The following UTRN variants were observed in gnomAD, a reference collection of about 807,000 sequenced individuals.
UTRN encodes the protein dystrophin-related protein 1.
A neutral mutation model predicts 463.9 loss-of-function variants in UTRN; 283 were observed. The ratio of observed to expected loss-of-function variants is 0.61; its 90% CI spans 0.55 to 0.67. The LOEUF is 0.67. Among genes scored for constraint, UTRN ranks in the 30% least tolerant of loss-of-function variants. The pLI is 0.00. For missense variants in UTRN, 3,922 were observed against 4,084.3 expected (o/e 0.96, Z 1.08); for synonymous variants, 1,442 against 1,431.5 (o/e 1.01, Z -0.17).
chr6:144,361,772 CT>C (rs371182123), intron 2 of UTRN, among the ~76,000 whole-genome samples: 230 of 134,748 alleles, frequency 1.7e-3, no homozygotes, highest in East Asian at 0.013. Context: ...TTCTTTCTTT[CT>C]TTTTTTTTTT....
chr6:144,817,447 C>G (rs981048710), intron 65 of UTRN, among the ~76,000 whole-genome samples: 1 of 151,688 alleles, frequency 6.6e-6, no homozygotes, highest in Non-Finnish European at 1.5e-5. Context: ...TGTATTATAC[C>G]TAGTGTAAAG....
intron 51 of UTRN, among the ~76,000 whole-genome samples, chr6:144,644,770 G>C (rs1449886433): frequency 6.6e-6 from 1 of 152,158 alleles, no homozygotes; most frequent in African/African-American, 2.4e-5. Flanking sequence ...TACCAAAATG[G>C]AGTGGTTTAT....
At chr6:144,677,846 G>A (rs1781799124) in intron 51 of UTRN, among the ~76,000 whole-genome samples, 2 of 152,154 alleles carry the variant, frequency 1.3e-5, no homozygotes, top group Admixed American at 1.3e-4. Context: ...TTTCTCTAAT[G>A]ACCAGTGCTG....
In UTRN at chr6:144,551,038, A is replaced by C. The variant is rs771037905; in HGVS notation, c.6884A>C (p.Asn2295Thr). The stretch of plus-strand genomic sequence containing the variant: ...TTTACATTGGCACAGAATTTGAAAA[A>C]TAAAGCTTCCAGTTCAGATATGAGA... ...YVFTLAQNLKNKASSSDMRTA... is the reference protein window; with the variant it reads ...YVFTLAQNLKTKASSSDMRTA... The change falls in exon 48 of 75, where the codon AAT becomes ACT. Residue 2295 changes from asparagine (N) to threonine (T), a missense_variant. Asn to Thr is a moderately conservative substitution (Grantham distance 65, BLOSUM62 0). Transcript: ENST00000367545. 1 of 1,612,250 alleles carries C rather than the reference A, an allele frequency of 6.2e-7. No homozygotes were observed. Among genetic ancestry groups the C allele is most frequent in the Non-Finnish European group, 8.5e-7 (1 of 1,179,526 alleles).
intron 53 of UTRN, chr6:144,706,819 TA>T (rs754903285): frequency 1.2e-4 from 18 of 152,136 alleles, no homozygotes; most frequent in Non-Finnish European, 2.4e-4. Flanking sequence ...ATCAATATGC[TA>T]AATTCTCCAC....
chr6:144,808,954 T>C (rs1778377801), intron 65 of UTRN, among the ~76,000 whole-genome samples: 4 of 152,166 alleles, frequency 2.6e-5, no homozygotes, highest in Admixed American at 2.6e-4. Context: ...TTGTGAATAA[T>C]GCTACAGTGC....
Position 144,447,311 on chromosome 6 carries a change from G to C in UTRN, c.1715G>C (p.Arg572Pro). ...AAGGAACTAAGTGTCAGTGTTCGACGTCTGGCTGTAAGTGATGGGGTTGTC... is the reference window on the plus strand; with the variant it reads ...AAGGAACTAAGTGTCAGTGTTCGACCTCTGGCTGTAAGTGATGGGGTTGTC... ...DQKELSVSVR[R>P]LAILKEDMEM... The change falls in exon 15 of 75, where the codon CGT becomes CCT. Residue 572 changes from arginine (R) to proline (P), a missense_variant. Physicochemically the swap from Arg to Pro is moderately radical, Grantham distance 103. Transcript: ENST00000367545. The C allele has an allele frequency of 1.2e-6, 2 of 1,612,994 alleles. No individual in the cohort carries two copies. The highest frequency in any genetic ancestry group is 1.7e-6 in the Non-Finnish European group (2 of 1,179,326).
intron 48 of UTRN, among the ~76,000 whole-genome samples, chr6:144,553,276 G>A (rs1246415787): frequency 6.6e-6 from 1 of 152,126 alleles, no homozygotes; most frequent in Admixed American, 6.5e-5. Flanking sequence ...GGCTTCAGGT[G>A]ATCCACCTGC....
intron 2 of UTRN, among the ~76,000 whole-genome samples, chr6:144,299,459 T>G (rs1562718947): frequency 6.6e-6 from 1 of 152,188 alleles, no homozygotes; most frequent in Non-Finnish European, 1.5e-5. Flanking sequence ...ACACTGTATT[T>G]TGAAGAGTTT....
At chr6:144,487,476 C>T in intron 28 of UTRN, 72 bp from the exon 29 acceptor site, 1 of 1,381,438 alleles carries the variant, frequency 7.2e-7, no homozygotes, top group Non-Finnish European at 9.6e-7. Flanking sequence ...AACAAATAGA[C>T]ATTTTGGGGA....
chr6:144,832,385 A>G (rs1000135266), intron 69 of UTRN, among the ~76,000 whole-genome samples: 3 of 152,244 alleles, frequency 2.0e-5, no homozygotes, highest in Non-Finnish European at 2.9e-5. Context: ...GATGATAATT[A>G]TAATAATGTG....
intron 53 of UTRN, among the ~76,000 whole-genome samples, chr6:144,709,392 A>G (rs894979268): frequency 2.6e-5 from 4 of 152,050 alleles, no homozygotes; most frequent in Admixed American, 2.6e-4. Context: ...CCTACTTTTT[A>G]GGTCTTTTCC....
At chr6:144,753,492 G>A (rs759342992) in intron 56 of UTRN, among the ~76,000 whole-genome samples, 24 of 151,922 alleles carry the variant, frequency 1.6e-4, no homozygotes, top group Non-Finnish European at 3.2e-4. Context: ...TGTGGTGTGC[G>A]TCTGTAGTCT....
chr6:144,821,186 C>T (rs949635313), intron 66 of UTRN, among the ~76,000 whole-genome samples, 168 bp downstream of exon 66: 4 of 152,166 alleles, frequency 2.6e-5, no homozygotes, highest in South Asian at 4.1e-4. Flanking sequence ...TCACTTTTGA[C>T]AATGTCACAG....
chr6:144,750,017 A>T (rs1360697605), intron 55 of UTRN, among the ~76,000 whole-genome samples: 1 of 152,174 alleles, frequency 6.6e-6, no homozygotes, highest in African/African-American at 2.4e-5. Context: ...CCTCCAAGGT[A>T]CCTACCCATG....
At chr6:144,433,612 C>T (rs190825935) in intron 9 of UTRN, among the ~76,000 whole-genome samples, 2,803 of 150,968 alleles carry the variant, frequency 0.019, 67 homozygotes, top group African/African-American at 0.065. Flanking sequence ...CAGAGGGTCT[C>T]CTCACTTCTC....
At chr6:144,374,517 C>T (rs1459579670) in intron 2 of UTRN, among the ~76,000 whole-genome samples, 1 of 151,430 alleles carries the variant, frequency 6.6e-6, no homozygotes, top group East Asian at 2.0e-4. Context: ...TGGAGTCTCA[C>T]TCTGTCACCA....
In UTRN at chr6:144,851,603, A is replaced by G. The variant is rs1782487004; in HGVS notation, c.*606A>G. ...TAAATTTCAATCAAATATCTTATAT[A>G]TACACACATATGGTTTAAGCTACAG... On this transcript the variant is annotated 3_prime_UTR_variant, in exon 75 of 75. Coordinates refer to ENST00000367545, the MANE Select transcript of UTRN (RefSeq NM_007124.3). The G allele has an allele frequency of 6.5e-6, 1 of 153,140 alleles. No homozygotes were observed. Among genetic ancestry groups the G allele is most frequent in the African/African-American group, 2.4e-5 (1 of 41,442 alleles). 9.5% of individuals were successfully genotyped at this position (153,140 alleles called of 1,614,324 possible). A position where few individuals can be genotyped will look rare whatever the true frequency, so the allele number is the denominator to read the frequency against.
chr6:144,657,190 C>T (rs919883449), intron 51 of UTRN, among the ~76,000 whole-genome samples: 17 of 144,752 alleles, frequency 1.2e-4, no homozygotes, highest in African/African-American at 4.3e-4. Flanking sequence ...GTGGAGGTTG[C>T]GCTGAGCTGA....
Sources: allele counts gnomAD v4.1 joint callset (sites outside exome capture counted in the v4.1 genomes callset), GRCh38; gene constraint gnomAD v4.1.1; transcripts MANE v1.5; gene names NCBI Gene and HGNC (gene_info 2026-07-23, HGNC 2026-07-21).